Variants in BOC observed in about 807,000 individuals in gnomAD.
BOC encodes brother of CDO.
A neutral mutation model predicts 112.0 loss-of-function variants in BOC; 76 were observed. The ratio of observed to expected loss-of-function variants is 0.68; its 90% confidence interval spans 0.56 to 0.82. BOC has a LOEUF of 0.82. Ranked by LOEUF, BOC falls within the 40% of genes least tolerant of loss-of-function variation. The pLI is 0.00. For synonymous variants in BOC, 580 were observed against 599.8 expected, an observed-to-expected ratio of 0.97 and a Z score of 0.48; for missense variants, 1,309 against 1,511.7, an observed-to-expected ratio of 0.87 and a Z score of 2.22.
Position 113,257,088 on chromosome 3 carries a change from G to A in BOC, c.376+6255G>A, listed in dbSNP as rs77296605. Among the ~76,000 whole-genome samples the A allele has an allele frequency of 5.9e-3, 902 of 152,268 alleles. 24 individuals are homozygous for A. Among genetic ancestry groups the A allele is most frequent in the East Asian group, 0.053 (275 of 5,184 alleles). On this transcript the variant is annotated intron_variant, in intron 4 of 19. Transcript: ENST00000682979. ...CATCACAGTCCCCTACTGTCCACCT[G>A]AAATACACCACCTGCCTGGAGTTCT...
intron 2 of BOC, among the ~76,000 whole-genome samples, chr3:113,245,916 C>T (rs947924493): frequency 1.3e-5 from 2 of 152,156 alleles, no homozygotes; most frequent in Admixed American, 1.3e-4. Context: ...GGGGATGAGC[C>T]GACGGCTTTT....
intron 4 of BOC, among the ~76,000 whole-genome samples, chr3:113,260,702 C>CAGAAAACAGAACAGAA (rs1553738029): frequency 7.4e-6 from 1 of 135,228 alleles, no homozygotes; most frequent in Admixed American, 7.3e-5. Flanking sequence ...CAGAACAGAA[C>CAGAAAACAGAACAGAA]AGAACAGAAC....
intron 2 of BOC, among the ~76,000 whole-genome samples, chr3:113,244,318 T>C (rs1478181402): frequency 2.6e-5 from 4 of 152,234 alleles, no homozygotes; most frequent in African/African-American, 7.2e-5. Context: ...GTAATATTAA[T>C]AATTAAAAGC....
chr3:113,268,227 C>T, intron 4 of BOC, 72 bp from the exon 5 acceptor site: 1 of 1,585,614 alleles, frequency 6.3e-7, no homozygotes, highest in South Asian at 1.2e-5. Flanking sequence ...AACACCAAGG[C>T]ACAAGCCCAC....
chr3:113,234,298 T>C (rs1468940814), intron 2 of BOC, among the ~76,000 whole-genome samples: 2 of 152,154 alleles, frequency 1.3e-5, no homozygotes, highest in African/African-American at 4.8e-5. Context: ...TTAAGACTTG[T>C]GAAAGAAGCT....
intron 2 of BOC, among the ~76,000 whole-genome samples, chr3:113,231,025 A>G (rs1942528189): frequency 1.3e-5 from 2 of 152,180 alleles, no homozygotes; most frequent in Admixed American, 6.5e-5. Context: ...TGTTCTTTAT[A>G]AGCTGGAGGA....
At chr3:113,263,380 G>A in intron 4 of BOC, among the ~76,000 whole-genome samples, 1 of 152,210 alleles carries the variant, frequency 6.6e-6, no homozygotes, top group East Asian at 1.9e-4. Context: ...AAAGGCCAAA[G>A]TTTCTTTAAG....
chr3:113,280,535 T>G (rs764949453), intron 13 of BOC, 23 bp from the exon 14 acceptor site: 3 of 1,528,208 alleles, frequency 2.0e-6, no homozygotes, highest in Non-Finnish European at 2.7e-6. Flanking sequence ...ATTGTCAACT[T>G]GTTTCTTCTC....
intron 2 of BOC, among the ~76,000 whole-genome samples, chr3:113,236,266 G>GTGTC (rs10634988): frequency 0.013 from 660 of 52,590 alleles, 46 homozygotes; most frequent in African/African-American, 0.031. Flanking sequence ...GTGTGTGTGT[G>GTGTC]TATATATACC....
At chr3:113,229,811 G>A (rs567007831) in intron 2 of BOC, among the ~76,000 whole-genome samples, 27 of 152,254 alleles carry the variant, frequency 1.8e-4, no homozygotes, top group East Asian at 3.9e-4. Flanking sequence ...TTCAAACACC[G>A]TATCCAGTAC....
chr3:113,285,014 T>C (rs148695018), intron 18 of BOC, among the ~76,000 whole-genome samples, 156 bp downstream of exon 18: 1 of 152,254 alleles, frequency 6.6e-6, no homozygotes, highest in Admixed American at 6.5e-5. Context: ...ATTGCCCTAA[T>C]AGGCAGTTGT....
intron 2 of BOC, among the ~76,000 whole-genome samples, chr3:113,217,101 G>T (rs896574888): frequency 6.6e-6 from 1 of 152,302 alleles, no homozygotes; most frequent in East Asian, 1.9e-4. Context: ...TCAGGTGTGG[G>T]CTGGCAGGAA....
At chr3:113,285,271 C>A in intron 18 of BOC, 101 bp from the exon 19 acceptor site, 1 of 1,187,010 alleles carries the variant, frequency 8.4e-7, no homozygotes, top group Non-Finnish European at 1.2e-6. Flanking sequence ...GAGCTCTCAC[C>A]AGCTCTGATG....
intron 2 of BOC, among the ~76,000 whole-genome samples, chr3:113,225,286 C>CAA (rs1359097470): frequency 6.8e-6 from 1 of 147,612 alleles, no homozygotes; most frequent in East Asian, 1.9e-4. Context: ...AAAAAAACAA[C>CAA]AAAAAAAAAC....
At chr3:113,229,568 C>T (rs540036783) in intron 2 of BOC, among the ~76,000 whole-genome samples, 2 of 152,108 alleles carry the variant, frequency 1.3e-5, no homozygotes, top group African/African-American at 2.4e-5. Flanking sequence ...TTTGCAATGG[C>T]GGCCTCCTCT....
chr3:113,260,350 G>A (rs1212519326), intron 4 of BOC, among the ~76,000 whole-genome samples: 2 of 152,232 alleles, frequency 1.3e-5, no homozygotes, highest in Non-Finnish European at 2.9e-5. Flanking sequence ...GATACAAAGA[G>A]GTTGAAGATA....
chr3:113,242,453 A>C (rs1215208783), intron 2 of BOC, among the ~76,000 whole-genome samples: 1 of 152,158 alleles, frequency 6.6e-6, no homozygotes, highest in African/African-American at 2.4e-5. Context: ...GTTTTAGCAG[A>C]AGCTCTGTGG....
intron 2 of BOC, among the ~76,000 whole-genome samples, chr3:113,244,549 GTTAT>G (rs1246340857): frequency 6.6e-6 from 1 of 152,110 alleles, no homozygotes; most frequent in Non-Finnish European, 1.5e-5. Flanking sequence ...GCTCTGTATG[GTTAT>G]TTAAGTTAAA....
intron 2 of BOC, among the ~76,000 whole-genome samples, chr3:113,249,417 C>T (rs916723757): frequency 1.1e-4 from 16 of 152,254 alleles, no homozygotes; most frequent in Non-Finnish European, 1.9e-4. Context: ...CAGGCCTCAG[C>T]CTCTCTGTAT....
Sources: gnomAD v4.1 joint callset for allele counts (sites outside exome capture counted in the v4.1 genomes callset) on GRCh38, gnomAD v4.1.1 for gene constraint, MANE v1.5 for transcripts, NCBI Gene and HGNC (gene_info 2026-07-23, HGNC 2026-07-21) for gene names.